LAMB4: variants seen among roughly 807,000 people sequenced by gnomAD.
The protein encoded by LAMB4 is laminin subunit beta-4.
Under a neutral mutation model 199.2 loss-of-function variants are expected in LAMB4, and 196 were observed. The ratio of observed to expected loss-of-function variants is 0.98; its 90% confidence interval spans 0.88 to 1.11. The LOEUF (loss-of-function observed/expected upper bound fraction) is 1.11, where lower values mean the gene tolerates loss of function less well. LAMB4 is among the 50% of genes least tolerant of loss of function. The pLI is 0.00. For synonymous variants in LAMB4, 744 were observed against 770.6 expected (o/e 0.97, Z 0.57); for missense variants, 2,080 against 2,171.2 (o/e 0.96, Z 0.83).
chr7:108,020,521 A>G (rs1045908407), downstream of LAMB4, among the ~76,000 whole-genome samples: 11 of 151,646 alleles, frequency 7.3e-5, no homozygotes, highest in African/African-American at 2.4e-4. Context: ...TTGTTGTTGC[A>G]TATAAATATT....
At chr7:108,120,437 T>C (rs1413797007) in intron 2 of LAMB4, among the ~76,000 whole-genome samples, 1 of 152,240 alleles carries the variant, frequency 6.6e-6, no homozygotes, top group Non-Finnish European at 1.5e-5. Flanking sequence ...AATGACACTT[T>C]GAACAGGAAA....
intron 2 of LAMB4, 39 bp from the exon 3 acceptor site, chr7:108,116,200 T>A: frequency 6.3e-7 from 1 of 1,593,514 alleles, no homozygotes. Flanking sequence ...GAAGGCAGTC[T>A]AAGGACAGCA....
At chr7:108,084,134 A>T (rs989483643) in intron 14 of LAMB4, among the ~76,000 whole-genome samples, 2 of 152,210 alleles carry the variant, frequency 1.3e-5, no homozygotes, top group Non-Finnish European at 2.9e-5. Context: ...CTCATTCAGA[A>T]GTGCCAGTTG....
chr7:108,127,177 T>C (rs1269809815), intron 1 of LAMB4, among the ~76,000 whole-genome samples: 2 of 63,264 alleles, frequency 3.2e-5, no homozygotes, highest in African/African-American at 8.0e-5. Context: ...TCACCAGGGT[T>C]TTTTTTTTTG....
Position 108,092,547 on chromosome 7 carries a change from C to T in LAMB4, c.1471-131G>A, listed in dbSNP as rs1222691303. The T allele has an allele frequency of 8.6e-6, 6 of 701,488 alleles. 1 individual carries two copies. Among genetic ancestry groups the T allele is most frequent in the Non-Finnish European group, 7.7e-6 (3 of 389,738 alleles). The allele number at this position is 701,488 out of a possible 1,614,324, so 43.5% of individuals were successfully genotyped here. ...ACAGCCTGCACCATCTCAGAGAAAC[C>T]TTCCTGGCCTATGCGCTTGGCTAAT... On this transcript the variant is annotated intron_variant, in intron 12 of 33. Coordinates refer to ENST00000388781, the MANE Select transcript of LAMB4 (RefSeq NM_007356.3).
intron 23 of LAMB4, among the ~76,000 whole-genome samples, chr7:108,061,430 C>G (rs939347047): frequency 6.6e-6 from 1 of 151,966 alleles, no homozygotes; most frequent in Admixed American, 6.6e-5. Flanking sequence ...AAATAAAAAG[C>G]TTATTTTTAA....
At chr7:108,051,712 A>G (rs1234073323) in intron 26 of LAMB4, among the ~76,000 whole-genome samples, 2 of 152,070 alleles carry the variant, frequency 1.3e-5, no homozygotes, top group Admixed American at 1.3e-4. Context: ...CATTGCATTT[A>G]TGGTCACTGA....
intron 29 of LAMB4, among the ~76,000 whole-genome samples, chr7:108,042,640 CA>C (rs1485428192): frequency 7.2e-5 from 11 of 152,000 alleles, no homozygotes; most frequent in African/African-American, 1.9e-4. Flanking sequence ...CTATTTTTGT[CA>C]AAGGTAATTT....
chr7:108,116,726 C>G (rs575386426), intron 2 of LAMB4, among the ~76,000 whole-genome samples: 92 of 152,296 alleles, frequency 6.0e-4, no homozygotes, highest in African/African-American at 2.2e-3. Flanking sequence ...TAAGTGTCTT[C>G]CAGTCTTAAA....
chr7:108,044,039 G>T, intron 28 of LAMB4, 143 bp from the exon 29 acceptor site: 1 of 599,358 alleles, frequency 1.7e-6, no homozygotes, highest in Non-Finnish European at 2.7e-6. Context: ...AGATTCATTT[G>T]CAAGGAATCT....
In LAMB4 at chr7:108,070,737, A is replaced by G. The variant is rs190252275; in HGVS notation, c.2125-852T>C. On this transcript the variant is annotated intron_variant, in intron 17 of 33. Coordinates refer to ENST00000388781, the MANE Select transcript of LAMB4 (RefSeq NM_007356.3). ...GGCTTTCAGTCAACAGTGGGTGATT[A>G]GTAGTTAAGTTTTTGGGGAGTAAAA... 5.8e-3 allele frequency among the ~76,000 whole-genome samples: 877 copies of G among 152,300 alleles called. 7 individuals are homozygous for G. Among genetic ancestry groups the G allele is most frequent in the Middle Eastern group, 0.02 (6 of 294 alleles).
chr7:108,121,750 T>TA (rs36039113), intron 2 of LAMB4, among the ~76,000 whole-genome samples: 17,641 of 138,222 alleles, frequency 0.13, 3,448 homozygotes, highest in African/African-American at 0.43. Flanking sequence ...AACTCTGTCT[T>TA]AAAAAAAAAA....
chr7:108,015,748 C>CT, the LAMB4 span, among the ~76,000 whole-genome samples: 608 of 123,458 alleles, frequency 4.9e-3, 1 homozygote, highest in African/African-American at 6.8e-3. Context: ...GTTTTGAAGA[C>CT]TTTTTTTTTT....
chr7:108,091,478 T>A, intron 14 of LAMB4, 148 bp downstream of exon 14: 2 of 822,508 alleles, frequency 2.4e-6, no homozygotes, highest in Non-Finnish European at 3.8e-6. Flanking sequence ...ATAATCTGCA[T>A]TTGCAGGTTA....
intron 14 of LAMB4, among the ~76,000 whole-genome samples, chr7:108,084,328 T>C (rs1032809734): frequency 1.3e-5 from 2 of 152,198 alleles, no homozygotes; most frequent in African/African-American, 4.8e-5. Context: ...GTGAACTTAA[T>C]GTAAGAAGCA....
intron 26 of LAMB4, 94 bp downstream of exon 26, chr7:108,052,003 A>G: frequency 1.1e-6 from 1 of 939,096 alleles, no homozygotes; most frequent in Non-Finnish European, 1.6e-6. Flanking sequence ...CTCAGGCACT[A>G]TGGTGGTAAG....
chr7:108,058,663 T>G (rs1262408016), intron 23 of LAMB4, among the ~76,000 whole-genome samples: 1 of 152,232 alleles, frequency 6.6e-6, no homozygotes, highest in African/African-American at 2.4e-5. Flanking sequence ...CCTTTTCTTT[T>G]CTTTTATTTT....
intron 23 of LAMB4, among the ~76,000 whole-genome samples, chr7:108,060,765 T>C (rs2036132288): frequency 6.6e-6 from 1 of 152,050 alleles, no homozygotes; most frequent in Non-Finnish European, 1.5e-5. Flanking sequence ...AAATAAATGG[T>C]CGAATGAATG....
Position 108,098,545 on chromosome 7 carries a change from G to GC in LAMB4, c.1217dup (p.Ile407HisfsTer7), listed in dbSNP as rs779486838. On this transcript the variant is annotated frameshift_variant, in exon 11 of 34. Transcript: ENST00000388781. LOFTEE classifies it high-confidence loss of function. ...CAGGATCAGAGTGGCTCACACAAAT[G>GC]CCACCAGATATGGTCCCATCGGGGT... The GC allele has an allele frequency of 1.1e-5, 18 of 1,612,680 alleles. No individual in the cohort carries two copies. The East Asian group carries it at 3.8e-4, about 34-fold the overall frequency.
Sources: gnomAD v4.1 joint callset for allele counts (sites outside exome capture counted in the v4.1 genomes callset) on GRCh38, gnomAD v4.1.1 for gene constraint, MANE v1.5 for transcripts, NCBI Gene and HGNC (gene_info 2026-07-23, HGNC 2026-07-21) for gene names.